The following POF1B variants were observed in gnomAD, a reference collection of about 807,000 sequenced individuals.
The protein encoded by POF1B is protein POF1B.
A neutral mutation model predicts 55.3 loss-of-function variants in POF1B; 53 were observed. The observed-to-expected ratio is 0.96, with a 90% CI of 0.77 to 1.20. The LOEUF is 1.20. Among genes scored for constraint, POF1B ranks in the 50% most tolerant of loss-of-function variants. The probability of loss-of-function intolerance (pLI) is 0.00; values close to 1 mark genes in which losing one functional copy is unlikely to be tolerated. For missense variants in POF1B, 478 were observed against 420.5 expected, an observed-to-expected ratio of 1.14 and a Z score of -1.20; for synonymous variants, 188 against 148.3, an observed-to-expected ratio of 1.27 and a Z score of -1.95.
intron 5 of POF1B, among the ~76,000 whole-genome samples, chrX:85,349,505 A>T (rs763648163): frequency 9.0e-6 from 1 of 111,315 alleles, no homozygotes; most frequent in South Asian, 3.7e-4. Flanking sequence ...CTTTATAGAG[A>T]TAATCAAGTC....
At chrX:85,317,647 A>G (rs1008095655) in intron 7 of POF1B, among the ~76,000 whole-genome samples, 1 of 110,174 alleles carries the variant, frequency 9.1e-6, no homozygotes, top group East Asian at 2.9e-4. Context: ...GTAAATTGTC[A>G]AAAAGAAGTG....
chrX:85,297,381 C>A (rs1932330703), intron 15 of POF1B, among the ~76,000 whole-genome samples: 1 of 112,131 alleles, frequency 8.9e-6, no homozygotes, highest in Admixed American at 9.5e-5. Flanking sequence ...GCTGTAATTT[C>A]TATGAGGCTT....
intron 6 of POF1B, among the ~76,000 whole-genome samples, chrX:85,334,268 C>T (rs1341277238): frequency 9.1e-6 from 1 of 110,355 alleles, no homozygotes; most frequent in African/African-American, 3.3e-5. Flanking sequence ...AAGTTTTCTC[C>T]CTGTTACAAT....
At chrX:85,370,998 C>T (rs1452353064) in intron 2 of POF1B, among the ~76,000 whole-genome samples, 1 of 111,847 alleles carries the variant, frequency 8.9e-6, no homozygotes, top group East Asian at 2.8e-4. Context: ...CACAGCCCCA[C>T]ATTCCTGATG....
At chrX:85,311,276 A>G (rs1334920475) in intron 9 of POF1B, among the ~76,000 whole-genome samples, 1 of 111,118 alleles carries the variant, frequency 9.0e-6, no homozygotes, top group Non-Finnish European at 1.9e-5. Flanking sequence ...ATAGGTATAC[A>G]CGTGCCATGG....
chrX:85,367,324 AC>A (rs1458414716), intron 3 of POF1B, among the ~76,000 whole-genome samples: 2 of 111,349 alleles, frequency 1.8e-5, no homozygotes, highest in Non-Finnish European at 3.8e-5. Context: ...GTTAGTTATG[AC>A]CCTATAAGTT....
At chrX:85,330,818 TA>T (rs959782552) in intron 7 of POF1B, 130 bp downstream of exon 7, 25 of 596,265 alleles carry the variant, frequency 4.2e-5, no homozygotes, top group East Asian at 1.3e-4. Context: ...AAAGTATAAT[TA>T]AAAAAAATAA....
intron 2 of POF1B, among the ~76,000 whole-genome samples, chrX:85,378,930 A>G (rs1933965464): frequency 8.9e-6 from 1 of 112,203 alleles, no homozygotes; most frequent in Admixed American, 9.5e-5. Context: ...ATCAAACAGA[A>G]AATGAGCCTT....
intron 4 of POF1B, among the ~76,000 whole-genome samples, chrX:85,358,554 G>A (rs1176031050): frequency 2.7e-5 from 3 of 111,310 alleles, no homozygotes; most frequent in Non-Finnish European, 5.7e-5. Flanking sequence ...TGGATCAAAT[G>A]TTAACCAGAA....
chrX:85,326,872 C>T (rs934668595), intron 7 of POF1B, among the ~76,000 whole-genome samples: 1 of 110,155 alleles, frequency 9.1e-6, no homozygotes, highest in Non-Finnish European at 1.9e-5. Context: ...AGGCACCCCA[C>T]CTGGGCATCT....
Position 85,355,858 on chromosome X carries a change from G to T in POF1B, c.438+3692C>A, listed in dbSNP as rs188696534. Among the ~76,000 whole-genome samples, 808 of 111,657 alleles carry T rather than the reference G, an allele frequency of 7.2e-3. 3 individuals carry two copies. The highest frequency in any genetic ancestry group is 0.025 in the African/African-American group (754 of 30,731). On this transcript the variant is annotated intron_variant, in intron 4 of 16. Transcript: ENST00000262753. ...AAATAGGAACACGTTTACACTGTTG[G>T]TGGGACTGTAAACTAGTTCAACCAT...
intron 3 of POF1B, among the ~76,000 whole-genome samples, chrX:85,364,983 T>C (rs748589597): frequency 4.5e-5 from 5 of 111,776 alleles, no homozygotes; most frequent in African/African-American, 1.6e-4. Flanking sequence ...TGTCTGACTG[T>C]CTTATTTCAG....
chrX:85,289,147 A>T (rs1304365061), intron 15 of POF1B, among the ~76,000 whole-genome samples: 1 of 111,153 alleles, frequency 9.0e-6, no homozygotes, highest in Non-Finnish European at 1.9e-5. Context: ...GGGAGTCAAG[A>T]AAGCTATGCA....
At chrX:85,281,330 G>A (rs1931892554) in intron 16 of POF1B, among the ~76,000 whole-genome samples, 1 of 110,684 alleles carries the variant, frequency 9.0e-6, no homozygotes, top group African/African-American at 3.3e-5. Flanking sequence ...GCCGATAAGG[G>A]ACTTGAGCAT....
rs1181025028 is a variant in POF1B, at chrX:85,282,333, G to T, written c.1650-16C>A. On this transcript the variant is annotated splice_polypyrimidine_tract_variant and intron_variant, in intron 15 of 16. Coordinates refer to ENST00000262753, the MANE Select transcript of POF1B (RefSeq NM_024921.4). The stretch of plus-strand genomic sequence containing the variant: ...TGTCCTGTACCTGTTGGCAAGAAAA[G>T]AGTTAGTTTACAGGCTGCATGAGAA... 9.4e-7 allele frequency: 1 copy of T among 1,064,737 alleles called. No individual in the cohort carries two copies. Among genetic ancestry groups the T allele is most frequent in the Non-Finnish European group, 1.3e-6 (1 of 794,871 alleles). The allele number at this position is 1,064,737 out of a possible 1,213,427, so 87.7% of individuals were successfully genotyped here.
intron 7 of POF1B, among the ~76,000 whole-genome samples, chrX:85,330,589 G>T (rs778566724): frequency 9.0e-6 from 1 of 111,424 alleles, no homozygotes; most frequent in East Asian, 2.8e-4. Context: ...AAAAGGGCTT[G>T]TGTTTTTTGT....
intron 6 of POF1B, among the ~76,000 whole-genome samples, chrX:85,331,897 T>G (rs1932986540): frequency 8.9e-6 from 1 of 111,870 alleles, no homozygotes; most frequent in African/African-American, 3.2e-5. Flanking sequence ...TCCTCCAGGC[T>G]TATCAATGTT....
chrX:85,315,674 C>T (rs778757178), intron 8 of POF1B, 33 bp downstream of exon 8: 42 of 1,099,663 alleles, frequency 3.8e-5, no homozygotes, highest in Non-Finnish European at 4.8e-5. Context: ...TGTTATTATA[C>T]TATATTCGAT....
chrX:85,316,701 A>T (rs187195333), intron 7 of POF1B, among the ~76,000 whole-genome samples: 259 of 111,488 alleles, frequency 2.3e-3, no homozygotes, highest in African/African-American at 7.9e-3. Context: ...AAACATTCCA[A>T]GATTGATTTG....
Sources: allele counts gnomAD v4.1 joint callset (sites outside exome capture counted in the v4.1 genomes callset), GRCh38; gene constraint gnomAD v4.1.1; transcripts MANE v1.5; gene names NCBI Gene and HGNC (gene_info 2026-07-23, HGNC 2026-07-21).